NR5A1: variants seen among roughly 807,000 people sequenced by gnomAD.
The protein encoded by NR5A1 is steroidogenic factor 1.
In NR5A1, 6 loss-of-function variants were observed where a neutral mutation model predicts 42.7. The ratio of observed to expected loss-of-function variants is 0.14; its 90% CI spans 0.08 to 0.28. NR5A1 has a LOEUF of 0.28. Among genes scored for constraint, NR5A1 ranks in the 10% least tolerant of loss-of-function variants. NR5A1 has a pLI of 1.00. For missense variants in NR5A1, 442 were observed against 626.4 expected, an observed-to-expected ratio of 0.71 and a Z score of 3.14; for synonymous variants, 274 against 277.5, an observed-to-expected ratio of 0.99 and a Z score of 0.12.
chr9:124,491,481 C>T (rs561493228), intron 5 of NR5A1, among the ~76,000 whole-genome samples: 5 of 152,314 alleles, frequency 3.3e-5, no homozygotes, highest in African/African-American at 1.2e-4. Flanking sequence ...CACGTTCTGC[C>T]CGCGTCCACC....
chr9:124,501,837 C>T lies in NR5A1; in HGVS notation c.245-1122G>A, dbSNP rs369652977. ...TGGGGCTTTCTACACTGTTCCAAGA[C>T]CTTAATCAACCACTGCCTGTTCAGC... On this transcript the variant is annotated intron_variant, in intron 3 of 6. Coordinates refer to ENST00000373588, the MANE Select transcript of NR5A1 (RefSeq NM_004959.5). The surrounding 1 kb of genome is among the most constrained non-coding windows in gnomAD (Gnocchi z 4.1). Among the ~76,000 whole-genome samples, 2 of 152,222 alleles carry T rather than the reference C, an allele frequency of 1.3e-5. No individual in the cohort carries two copies. Among genetic ancestry groups the T allele is most frequent in the Non-Finnish European group, 2.9e-5 (2 of 68,040 alleles).
At chr9:124,490,876 G>A (rs990518623) in intron 6 of NR5A1, among the ~76,000 whole-genome samples, 3 of 152,212 alleles carry the variant, frequency 2.0e-5, no homozygotes, top group African/African-American at 4.8e-5. Flanking sequence ...CCACCAGAGC[G>A]GGAGCAGCCC....
chr9:124,490,486 C>A (rs1218423450), intron 6 of NR5A1, among the ~76,000 whole-genome samples: 1 of 152,220 alleles, frequency 6.6e-6, no homozygotes, highest in South Asian at 2.1e-4. Context: ...CTGGGCCAGG[C>A]CTGCTCTCTG....
In NR5A1 at chr9:124,482,721, T is replaced by TCC; in HGVS notation, c.*35_*36dup. The TCC allele has an allele frequency of 4.5e-6, 1 of 222,508 alleles. No individual in the cohort carries two copies. 13.8% of individuals were successfully genotyped at this position (222,508 alleles called of 1,614,324 possible). On this transcript the variant is annotated 3_prime_UTR_variant, in exon 7 of 7. Transcript: ENST00000373588. ...GGCCCCGCCCAGGCCCCGCCCCCAG[T>TCC]CCCGCCCCCAGTCCCGGCCCCGCCC...
chr9:124,499,885 G>A (rs765485004), intron 4 of NR5A1, among the ~76,000 whole-genome samples: 13 of 152,188 alleles, frequency 8.5e-5, no homozygotes, highest in Non-Finnish European at 1.6e-4. Flanking sequence ...GCTCAAGGAG[G>A]AGAGAAGGAG....
chr9:124,487,717 G>A lies in NR5A1; in HGVS notation c.1138+3364C>T, dbSNP rs10986356. Reference sequence around the variant, plus strand: ...CGCCCCCGAGGGGGACGCCCTGCGCGCCAGCTGGAGGTCTGCTGGCAAGTG... The same window carrying A: ...CGCCCCCGAGGGGGACGCCCTGCGCACCAGCTGGAGGTCTGCTGGCAAGTG... On this transcript the variant is annotated intron_variant, in intron 6 of 6. Transcript: ENST00000373588. Among the ~76,000 whole-genome samples the A allele has an allele frequency of 1.3e-3, 195 of 152,334 alleles. 5 individuals carry two copies. The East Asian group carries it at 0.032, about 25-fold the overall frequency.
intron 6 of NR5A1, among the ~76,000 whole-genome samples, chr9:124,487,417 T>C (rs761223075): frequency 9.9e-5 from 15 of 152,174 alleles, no homozygotes; most frequent in Non-Finnish European, 1.8e-4. Flanking sequence ...GGAAATCGAA[T>C]GTTAGGTCAA....
At chr9:124,491,036 C>CCCCCCCGGGGGGGG in intron 6 of NR5A1, 45 bp downstream of exon 6, 67 of 1,401,498 alleles carry the variant, frequency 4.8e-5, no homozygotes, top group Non-Finnish European at 5.8e-5. Context: ...CCCACCCACC[C>CCCCCCCGGGGGGGG]GCCTCTGGCT....
intron 1 of NR5A1, among the ~76,000 whole-genome samples, chr9:124,504,833 G>T (rs1392627042): frequency 2.0e-5 from 3 of 146,354 alleles, no homozygotes; most frequent in Non-Finnish European, 4.6e-5. Flanking sequence ...GGAGGCGGGG[G>T]CGCGGGGCTG....
rs191307614 is a variant in NR5A1, at chr9:124,484,543, G to A, written c.1139-1538C>T. On this transcript the variant is annotated intron_variant, in intron 6 of 6. Transcript: ENST00000373588. ...AGGTAGGTGGGTCACTTGAGGTCAG[G>A]AGTTCGAGACCAGCCTGGCCAACAT... Among the ~76,000 whole-genome samples the A allele has an allele frequency of 6.6e-5, 10 of 152,278 alleles. No individual in the cohort carries two copies. In the East Asian group the frequency reaches 1.9e-3, roughly 29 times the overall value.
chr9:124,485,078 G>T (rs984964204), intron 6 of NR5A1, among the ~76,000 whole-genome samples: 8 of 152,272 alleles, frequency 5.3e-5, no homozygotes, highest in African/African-American at 1.7e-4. Flanking sequence ...CCTCCCTGGA[G>T]GGGGAGAGCC....
chr9:124,482,749 G>T lies in NR5A1; in HGVS notation c.*9C>A, dbSNP rs1055310823. The T allele has an allele frequency of 1.2e-6, 1 of 815,638 alleles. No homozygotes were observed. Among genetic ancestry groups the T allele is most frequent in the Non-Finnish European group, 1.5e-6 (1 of 659,748 alleles). 50.5% of individuals were successfully genotyped at this position (815,638 alleles called of 1,614,324 possible). On this transcript the variant is annotated 3_prime_UTR_variant, in exon 7 of 7. Transcript: ENST00000373588. ...CGCCCCCAGTCCCGGCCCCGCCCCC[G>T]GCCCAGGCTCAAGTCTGCTTGGCTT...
chr9:124,502,938 C>G (rs982127161), intron 3 of NR5A1, 141 bp downstream of exon 3: 10 of 1,230,308 alleles, frequency 8.1e-6, no homozygotes, highest in African/African-American at 1.5e-5. Context: ...GCCCGGTTCT[C>G]TTGCAGCGAC....
In NR5A1 at chr9:124,491,245, C is replaced by T. The variant is rs769546363; in HGVS notation, c.991-17G>A. The T allele has an allele frequency of 1.5e-5, 24 of 1,587,430 alleles. No homozygotes were observed. The East Asian group carries it at 2.9e-4, about 19-fold the overall frequency. On this transcript the variant is annotated splice_polypyrimidine_tract_variant and intron_variant, in intron 5 of 6. Coordinates refer to ENST00000373588, the MANE Select transcript of NR5A1 (RefSeq NM_004959.5). ...CAGCTCCACCTGGGGGCAGAGGGCA[C>T]GGGGCGGGGGACAGTCAGAGGACGT...
At position 124,500,189 on chromosome 9, in the gene NR5A1, G is replaced by C. The variant is rs768790387; in HGVS notation, c.771C>G (p.Asp257Glu). 1.2e-6 allele frequency: 2 copies of C among 1,610,448 alleles called. No homozygotes were observed. Among genetic ancestry groups the C allele is most frequent in the Non-Finnish European group, 1.7e-6 (2 of 1,178,386 alleles). ...ACAGGAGGCCGAAGGCCGCCGGCTG[G>C]TCGGGGCGGCTTTTGGTGGGCTCCT... Reference protein sequence around the residue: ...CLQEPTKSRPDQPAAFGLLCR... With the variant: ...CLQEPTKSRPEQPAAFGLLCR... The change falls in exon 4 of 7, where the codon GAC becomes GAG. Residue 257 changes from aspartate (D) to glutamate (E), a missense_variant. This residue lies in a region of NR5A1 where 208 missense variants were observed against 203.8 expected (regional missense o/e 1.02). Coordinates refer to ENST00000373588, the MANE Select transcript of NR5A1 (RefSeq NM_004959.5). The surrounding 1 kb of genome is among the most constrained non-coding windows in gnomAD (Gnocchi z 6.9).
At chr9:124,492,346 C>G (rs1205567683) in intron 5 of NR5A1, among the ~76,000 whole-genome samples, 1 of 151,494 alleles carries the variant, frequency 6.6e-6, no homozygotes, top group Non-Finnish European at 1.5e-5. Context: ...ATCCTGACCC[C>G]TCCGCCTGCC....
Position 124,496,147 on chromosome 9 carries a change from C to T in NR5A1, c.871-2998G>A, listed in dbSNP as rs956049692. Among the ~76,000 whole-genome samples, 1 of 151,672 alleles carries T rather than the reference C, an allele frequency of 6.6e-6. No individual in the cohort carries two copies. The highest frequency in any genetic ancestry group is 6.6e-5 in the Admixed American group (1 of 15,230). ...GTGGACAGATGGATGCATAAAGACA[C>T]CAAACTCCAAAACACTCCCCACACA... On this transcript the variant is annotated intron_variant, in intron 4 of 6. Coordinates refer to ENST00000373588, the MANE Select transcript of NR5A1 (RefSeq NM_004959.5). This position sits in a 1 kb window ranked among gnomAD's most constrained non-coding sequence, Gnocchi z 5.0.
Position 124,500,580 on chromosome 9 carries a change from C to T in NR5A1, c.380G>A (p.Gly127Glu), listed in dbSNP as rs758539153. ...GFKLETGPPM[G>E]VPPPPPPAPD... ...TGCGGGAGGGGGCGGCGGGGGCACC[C>T]CCATCGGGGGCCCTGTCTCCAGCTT... is the stretch of plus-strand genomic sequence containing the variant. The change falls in exon 4 of 7, where the codon GGG (glycine) becomes GAG (glutamate). Residue 127 changes from glycine to glutamate, a missense_variant. Physicochemically the swap from Gly to Glu is moderately conservative, Grantham distance 98. Transcript: ENST00000373588. The surrounding 1 kb of genome is among the most constrained non-coding windows in gnomAD (Gnocchi z 6.9). 3.3e-5 allele frequency: 53 copies of T among 1,612,050 alleles called. No individual in the cohort carries two copies. The highest frequency in any genetic ancestry group is 4.3e-5 in the Non-Finnish European group (51 of 1,179,916).
At chr9:124,502,832 T>C (rs969363147) in intron 3 of NR5A1, among the ~76,000 whole-genome samples, 3 of 151,810 alleles carry the variant, frequency 2.0e-5, no homozygotes, top group African/African-American at 4.8e-5. Context: ...GGGGAAAGAG[T>C]CATCTCCATA....
Sources: allele counts gnomAD v4.1 joint callset (sites outside exome capture counted in the v4.1 genomes callset), GRCh38; gene constraint gnomAD v4.1.1; regional missense constraint gnomAD v4.1.1; non-coding constraint Gnocchi (gnomAD v3.1); transcripts MANE v1.5; gene names NCBI Gene and HGNC (gene_info 2026-07-23, HGNC 2026-07-21).